The following VPS33A variants were observed in gnomAD, a reference collection of about 807,000 sequenced individuals.
VPS33A encodes vacuolar protein sorting-associated protein 33A.
Under a neutral mutation model 71.8 loss-of-function variants are expected in VPS33A, and 32 were observed. The observed-to-expected ratio is 0.45, with a 90% confidence interval of 0.34 to 0.60. VPS33A has a LOEUF of 0.60. Among genes scored for constraint, VPS33A ranks in the 20% least tolerant of loss-of-function variants. The pLI, the probability that VPS33A is intolerant of heterozygous loss-of-function variation, is 0.02. For synonymous variants in VPS33A, 311 were observed against 292.7 expected (o/e 1.06, Z -0.64); for missense variants, 625 against 748.5 (o/e 0.84, Z 1.92).
chr12:122,266,456 T>C lies in VPS33A; in HGVS notation c.-48A>G, dbSNP rs756500161. Reference sequence around the variant, plus strand: ...CACAACGCCAACCGAGTCCGCCGGTTCCTACGGGAGGACCACGGACGCAGT... The same window carrying C: ...CACAACGCCAACCGAGTCCGCCGGTCCCTACGGGAGGACCACGGACGCAGT... On this transcript the variant is annotated 5_prime_UTR_variant, in exon 1 of 13. Coordinates refer to ENST00000267199, the MANE Select transcript of VPS33A (RefSeq NM_022916.6). The C allele has an allele frequency of 3.2e-6, 5 of 1,585,014 alleles. No individual in the cohort carries two copies. Among genetic ancestry groups the C allele is most frequent in the Non-Finnish European group, 4.3e-6 (5 of 1,159,322 alleles).
In VPS33A at chr12:122,239,747, CTCAAAAAAAAAAAAAAAA is replaced by C. The variant is rs1408988394; in HGVS notation, c.1164+113_1164+130del. Reference sequence around the variant, plus strand: ...TGGGTGACACACAGTGAGACTCCGTCTCAAAAAAAAAAAAAAAAAAAAAAAAAAAAAAGGCAAGGCATG... The same window carrying C: ...TGGGTGACACACAGTGAGACTCCGTCAAAAAAAAAAAAAAGGCAAGGCATG... On this transcript the variant is annotated intron_variant, in intron 9 of 12. Coordinates refer to ENST00000267199, the MANE Select transcript of VPS33A (RefSeq NM_022916.6). 2.5e-5 allele frequency: 8 copies of C among 324,178 alleles called. No homozygotes were observed. In the Admixed American group the frequency reaches 3.3e-4, roughly 13 times the overall value. 20.1% of individuals were successfully genotyped at this position (324,178 alleles called of 1,614,324 possible). A position where few individuals can be genotyped will look rare whatever the true frequency, so the allele number is the denominator to read the frequency against.
chr12:122,247,720 A>T (rs1271518517), intron 6 of VPS33A, among the ~76,000 whole-genome samples: 1 of 152,148 alleles, frequency 6.6e-6, no homozygotes, highest in African/African-American at 2.4e-5. Flanking sequence ...GTAGGACCAC[A>T]GCCAGTATCT....
At chr12:122,249,726 G>T in intron 6 of VPS33A, 145 bp downstream of exon 6, 2 of 746,696 alleles carry the variant, frequency 2.7e-6, no homozygotes, top group African/African-American at 1.8e-5. Context: ...TTACAAAAAG[G>T]TCTGTATTAA....
intron 4 of VPS33A, among the ~76,000 whole-genome samples, chr12:122,259,016 A>T (rs1954954903): frequency 6.6e-6 from 1 of 151,360 alleles, no homozygotes; most frequent in Admixed American, 6.6e-5. Context: ...AAGACAGAAT[A>T]ATAAGTCTGT....
In VPS33A at chr12:122,231,972, G is replaced by C; in HGVS notation, c.*274C>G. ...CTCAGGAGGCTGAGGCAGGAGAATT[G>C]CTTGAACCTAGGAGGTGGAGGTTGC... On this transcript the variant is annotated 3_prime_UTR_variant, in exon 13 of 13. Transcript: ENST00000267199. 1 of 409,110 alleles carries C rather than the reference G, an allele frequency of 2.4e-6. No individual in the cohort carries two copies. Among genetic ancestry groups the C allele is most frequent in the Non-Finnish European group, 4.3e-6 (1 of 233,250 alleles). 25.3% of individuals were successfully genotyped at this position (409,110 alleles called of 1,614,324 possible). A position where few individuals can be genotyped will look rare whatever the true frequency, so the allele number is the denominator to read the frequency against.
chr12:122,230,795 G>A lies in VPS33A; in HGVS notation c.*1451C>T, dbSNP rs1954550311. 1 of 152,110 alleles carries A rather than the reference G, an allele frequency of 6.6e-6. No individual in the cohort carries two copies. Among genetic ancestry groups the A allele is most frequent in the Admixed American group, 6.5e-5 (1 of 15,272 alleles). 9.4% of individuals were successfully genotyped at this position (152,110 alleles called of 1,614,324 possible). ...CTTAACTCCTCCAGAAGCTAAGATGGAGGAGCAGAGGGGCAGAGAACACAC... is the reference window on the plus strand; with the variant it reads ...CTTAACTCCTCCAGAAGCTAAGATGAAGGAGCAGAGGGGCAGAGAACACAC... On this transcript the variant is annotated 3_prime_UTR_variant, in exon 13 of 13. Transcript: ENST00000267199.
intron 11 of VPS33A, 52 bp downstream of exon 11, chr12:122,235,734 G>A: frequency 1.9e-6 from 3 of 1,544,546 alleles, no homozygotes; most frequent in Non-Finnish European, 2.6e-6. Context: ...GTTGTCACCT[G>A]GACGATCTAA....
At chr12:122,238,854 A>T (rs1213070950) in intron 9 of VPS33A, 130 bp from the exon 10 acceptor site, 4 of 1,049,394 alleles carry the variant, frequency 3.8e-6, no homozygotes, top group Non-Finnish European at 5.5e-6. Context: ...TATTTTTCAA[A>T]GTCCAATAAA....
chr12:122,259,554 T>C (rs1184461460), intron 4 of VPS33A, among the ~76,000 whole-genome samples: 1 of 152,028 alleles, frequency 6.6e-6, no homozygotes, highest in African/African-American at 2.4e-5. Context: ...AATGAAACCA[T>C]ACATCCACAT....
chr12:122,259,191 A>ATGTATGTG lies in VPS33A; in HGVS notation c.483+2069_483+2070insCACATACA, dbSNP rs1555250069. 2.8e-3 allele frequency among the ~76,000 whole-genome samples: 255 copies of ATGTATGTG among 91,522 alleles called. 3 individuals carry two copies. In the East Asian group the frequency reaches 0.23, roughly 81 times the overall value. 60.0% of individuals were successfully genotyped at this position (91,522 alleles called of 152,430 possible). A position where few individuals can be genotyped will look rare whatever the true frequency, so the allele number is the denominator to read the frequency against. ...TGTGTGTGTGTGTATGTATGTGTGTATGTATGTATGTATGTATGTATGTAT... is the reference window on the plus strand; with the variant it reads ...TGTGTGTGTGTGTATGTATGTGTGTATGTATGTGTGTATGTATGTATGTATGTATGTAT... On this transcript the variant is annotated intron_variant, in intron 4 of 12. Transcript: ENST00000267199.
In VPS33A at chr12:122,251,014, G is replaced by C; in HGVS notation, c.569C>G (p.Pro190Arg). The C allele has an allele frequency of 6.2e-7, 1 of 1,614,070 alleles. No individual in the cohort carries two copies. The highest frequency in any genetic ancestry group is 8.5e-7 in the Non-Finnish European group (1 of 1,179,974). The stretch of plus-strand genomic sequence containing the variant: ...GCATTCTCCTTTCCCAAAGATCTGG[G>C]GGATCGTTCCATACAGAGCTTGCAG... ...MTLQALYGTI[P>R]QIFGKGECAR... The change falls in exon 5 of 13, where the codon CCC (proline) becomes CGC (arginine). Residue 190 changes from proline to arginine, a missense_variant. Coordinates refer to ENST00000267199, the MANE Select transcript of VPS33A (RefSeq NM_022916.6).
At chr12:122,249,596 C>T (rs1021533861) in intron 6 of VPS33A, 3 of 248,918 alleles carry the variant, frequency 1.2e-5, no homozygotes, top group Middle Eastern at 1.2e-3. Context: ...AAATGGAAAT[C>T]GAAATTCTTA....
At chr12:122,252,649 T>C (rs1954861428) in intron 4 of VPS33A, among the ~76,000 whole-genome samples, 1 of 152,158 alleles carries the variant, frequency 6.6e-6, no homozygotes, top group South Asian at 2.1e-4. Flanking sequence ...TCACTTTTGA[T>C]ACAGGTGGAT....
chr12:122,249,665 T>C (rs954221133), intron 6 of VPS33A: 1 of 409,086 alleles, frequency 2.4e-6, no homozygotes, highest in Non-Finnish European at 4.2e-6. Context: ...TCTTAGGCTT[T>C]GGGTTTTCTT....
chr12:122,246,271 G>C (rs932961530), intron 6 of VPS33A, among the ~76,000 whole-genome samples: 2 of 151,174 alleles, frequency 1.3e-5, no homozygotes, highest in African/African-American at 2.4e-5. Context: ...TAGGTGGGAG[G>C]ATCTCTCTCT....
intron 4 of VPS33A, 29 bp downstream of exon 4, chr12:122,261,232 G>C (rs1166595820): frequency 1.0e-5 from 16 of 1,591,188 alleles, no homozygotes; most frequent in Non-Finnish European, 1.3e-5. Context: ...AAAAATTAAT[G>C]CCTGAAGTTA....
chr12:122,260,239 C>T (rs1435532898), intron 4 of VPS33A, among the ~76,000 whole-genome samples: 1 of 151,866 alleles, frequency 6.6e-6, no homozygotes, highest in African/African-American at 2.4e-5. Flanking sequence ...CACTAAAAAC[C>T]ACTGAATTTT....
In VPS33A at chr12:122,232,522, G is replaced by C. The variant is rs1281186895; in HGVS notation, c.1610-95C>G. The C allele has an allele frequency of 4.6e-6, 6 of 1,291,136 alleles. No individual in the cohort carries two copies. The East Asian group carries it at 1.5e-4, about 33-fold the overall frequency. 80.0% of individuals were successfully genotyped at this position (1,291,136 alleles called of 1,614,324 possible). ...TTTTATCATTCATAAGAATAAACAAGTGCCTTCATCCAGACAGTTCATCTG... is the reference window on the plus strand; with the variant it reads ...TTTTATCATTCATAAGAATAAACAACTGCCTTCATCCAGACAGTTCATCTG... On this transcript the variant is annotated intron_variant, in intron 12 of 12. Transcript: ENST00000267199.
intron 1 of VPS33A, among the ~76,000 whole-genome samples, chr12:122,265,157 G>A (rs1355351138): frequency 2.0e-5 from 3 of 151,902 alleles, no homozygotes; most frequent in South Asian, 2.1e-4. Context: ...GGGCTCAAGC[G>A]AGCTGCCTGC....
Sources: gnomAD v4.1 joint callset for allele counts (sites outside exome capture counted in the v4.1 genomes callset) on GRCh38, gnomAD v4.1.1 for gene constraint, MANE v1.5 for transcripts, NCBI Gene and HGNC (gene_info 2026-07-23, HGNC 2026-07-21) for gene names.